The following DLG2 variants were observed in gnomAD, a reference collection of about 807,000 sequenced individuals.
DLG2 encodes the protein disks large homolog 2.
Under a neutral mutation model 132.5 loss-of-function variants are expected in DLG2, and 45 were observed. The ratio of observed to expected loss-of-function variants is 0.34; its 90% CI spans 0.27 to 0.44. The LOEUF is 0.44. Among genes scored for constraint, DLG2 ranks in the 20% least tolerant of loss-of-function variants. The pLI, the probability that DLG2 is intolerant of heterozygous loss-of-function variation, is 1.00. For synonymous variants in DLG2, 424 were observed against 419.6 expected, an observed-to-expected ratio of 1.01 and a Z score of -0.13; for missense variants, 1,045 against 1,196.9, an observed-to-expected ratio of 0.87 and a Z score of 1.87.
At chr11:85,181,462 T>C (rs1386733656) in intron 4 of DLG2, among the ~76,000 whole-genome samples, 1 of 151,764 alleles carries the variant, frequency 6.6e-6, no homozygotes, top group African/African-American at 2.4e-5. Context: ...TCCTTTTTAA[T>C]TTTCTATGAC....
At chr11:84,797,031 G>A (rs1027703837) in intron 6 of DLG2, among the ~76,000 whole-genome samples, 1 of 151,948 alleles carries the variant, frequency 6.6e-6, no homozygotes, top group Non-Finnish European at 1.5e-5. Context: ...ATTTTTAGTA[G>A]AGACGGGGTT....
At chr11:83,639,810 T>C (rs959489141) in intron 18 of DLG2, among the ~76,000 whole-genome samples, 6 of 150,770 alleles carry the variant, frequency 4.0e-5, no homozygotes, top group East Asian at 1.9e-4. Context: ...AGGAACTCTA[T>C]GTTAGAAGGC....
At chr11:85,232,295 AATAAT>A (rs2075343406) in intron 4 of DLG2, among the ~76,000 whole-genome samples, 1 of 151,932 alleles carries the variant, frequency 6.6e-6, no homozygotes, top group Admixed American at 6.6e-5. Flanking sequence ...ATCACATTTG[AATAAT>A]ATAATATCTT....
intron 10 of DLG2, among the ~76,000 whole-genome samples, chr11:84,079,278 G>GTTTTTTTTTTTT (rs34283629): frequency 1.4e-5 from 2 of 147,262 alleles, no homozygotes. Flanking sequence ...TTTTTGGTTT[G>GTTTTTTTTTTTT]TTTTTTTTTT....
intron 7 of DLG2, among the ~76,000 whole-genome samples, chr11:84,362,400 G>A (rs910802913): frequency 6.6e-6 from 1 of 151,768 alleles, no homozygotes; most frequent in Non-Finnish European, 1.5e-5. Flanking sequence ...TAAAAATCAG[G>A]GTTTTAATTC....
intron 3 of DLG2, among the ~76,000 whole-genome samples, chr11:85,536,549 C>T (rs182414227): frequency 2.6e-4 from 40 of 152,342 alleles, no homozygotes; most frequent in African/African-American, 8.4e-4. Flanking sequence ...CCTGTTGCTG[C>T]GCTATGAGGG....
At chr11:83,577,586 A>ATC (rs1565881776) in intron 19 of DLG2, among the ~76,000 whole-genome samples, 3 of 118,870 alleles carry the variant, frequency 2.5e-5, no homozygotes, top group East Asian at 2.3e-4. Flanking sequence ...ATATATATAT[A>ATC]TCCTATTTAT....
At chr11:84,272,628 T>C (rs993058615) in intron 7 of DLG2, among the ~76,000 whole-genome samples, 7 of 152,136 alleles carry the variant, frequency 4.6e-5, no homozygotes, top group Non-Finnish European at 4.4e-5. Flanking sequence ...ATACACAACT[T>C]CTGTCAGAAA....
intron 6 of DLG2, among the ~76,000 whole-genome samples, chr11:84,991,416 G>A (rs1458407911): frequency 1.3e-5 from 2 of 151,460 alleles, no homozygotes; most frequent in Admixed American, 6.6e-5. Context: ...GGCTGAAGTG[G>A]GAGGATCGAT....
intron 3 of DLG2, among the ~76,000 whole-genome samples, chr11:85,315,840 C>A (rs1596179151): frequency 6.6e-6 from 1 of 151,876 alleles, no homozygotes; most frequent in Admixed American, 6.6e-5. Flanking sequence ...TGCCTCTTCA[C>A]CTCTCTCAAT....
intron 6 of DLG2, among the ~76,000 whole-genome samples, chr11:84,917,429 T>C (rs1054732637): frequency 2.6e-5 from 4 of 152,218 alleles, no homozygotes; most frequent in Admixed American, 2.0e-4. Context: ...TTTAGGTAGA[T>C]TGCTAAAAAG....
At chr11:84,906,670 C>T (rs77357549) in intron 6 of DLG2, among the ~76,000 whole-genome samples, 4 of 151,772 alleles carry the variant, frequency 2.6e-5, no homozygotes, top group African/African-American at 4.8e-5. Flanking sequence ...GGAGGCATGT[C>T]GTAATCAAAT....
At chr11:84,286,727 C>T (rs1272059698) in intron 7 of DLG2, among the ~76,000 whole-genome samples, 1 of 152,136 alleles carries the variant, frequency 6.6e-6, no homozygotes, top group Admixed American at 6.6e-5. Context: ...CAACAAGTGT[C>T]TGAGTGAGGA....
chr11:85,015,251 C>T (rs576693833), intron 6 of DLG2, among the ~76,000 whole-genome samples: 47 of 152,100 alleles, frequency 3.1e-4, no homozygotes, highest in Non-Finnish European at 6.2e-4. Context: ...CATTCATTTG[C>T]TATGTTTTAG....
intron 6 of DLG2, among the ~76,000 whole-genome samples, chr11:84,963,395 A>C (rs137914079): frequency 5.3e-4 from 81 of 152,314 alleles, no homozygotes; most frequent in African/African-American, 1.9e-3. Context: ...GAGAGCTGCA[A>C]GGGAACAAAT....
chr11:84,580,037 A>C (rs1249906489), intron 6 of DLG2, among the ~76,000 whole-genome samples: 1 of 152,310 alleles, frequency 6.6e-6, no homozygotes, highest in East Asian at 1.9e-4. Flanking sequence ...GTGCATGTGA[A>C]GTTTGAGATC....
chr11:83,868,719 A>G (rs1030420561), intron 16 of DLG2, among the ~76,000 whole-genome samples: 1 of 149,324 alleles, frequency 6.7e-6, no homozygotes, highest in Non-Finnish European at 1.5e-5. Context: ...AGCAACTAAC[A>G]GCTTAAAAAA....
rs1452353658 is a variant in DLG2 at position 84,902,724 on chromosome 11, T to C, written c.357+208937A>G. Among the ~76,000 whole-genome samples the C allele has an allele frequency of 5.3e-5, 8 of 152,292 alleles. No individual in the cohort carries two copies. In the East Asian group the frequency reaches 1.5e-3, roughly 29 times the overall value. ...CTGGCATGTATAGCTGTCCACTGAA[T>C]GCCTCTCAGGGCTTACCCATAGTAC... On this transcript the variant is annotated intron_variant, in intron 6 of 27. Coordinates refer to ENST00000376104, the MANE Select transcript of DLG2 (RefSeq NM_001142699.3).
chr11:84,081,241 A>G (rs1474721769), intron 10 of DLG2, among the ~76,000 whole-genome samples: 2 of 152,138 alleles, frequency 1.3e-5, no homozygotes, highest in African/African-American at 4.8e-5. Flanking sequence ...TTCAGGTAAC[A>G]TGAGTCTTCA....
Sources: allele counts gnomAD v4.1 joint callset (sites outside exome capture counted in the v4.1 genomes callset), GRCh38; gene constraint gnomAD v4.1.1; transcripts MANE v1.5; gene names NCBI Gene and HGNC (gene_info 2026-07-23, HGNC 2026-07-21).